Variants in PSME3IP1 observed in about 807,000 individuals in gnomAD.
The protein encoded by PSME3IP1 is proteasome activator subunit 3 interacting protein 1.
PSME3IP1 carries 13 observed loss-of-function variants against 34.1 expected under a neutral mutation model. The ratio of observed to expected loss-of-function variants is 0.38; its 90% CI spans 0.25 to 0.61. PSME3IP1 has a LOEUF of 0.61. Among genes scored for constraint, PSME3IP1 ranks in the 20% least tolerant of loss-of-function variants. The probability of loss-of-function intolerance (pLI) is 0.60; values close to 1 mark genes in which losing one functional copy is unlikely to be tolerated. For synonymous variants in PSME3IP1, 93 were observed against 114.3 expected, an observed-to-expected ratio of 0.81 and a Z score of 1.19; for missense variants, 237 against 301.4, an observed-to-expected ratio of 0.79 and a Z score of 1.58.
chr16:57,171,888 T>C (rs1287382683), intron 4 of PSME3IP1, among the ~76,000 whole-genome samples: 1 of 152,182 alleles, frequency 6.6e-6, no homozygotes, highest in Non-Finnish European at 1.5e-5. Flanking sequence ...CTAGAGAACA[T>C]CTTACTAAGA....
chr16:57,153,017 C>A lies in PSME3IP1; in HGVS notation c.*1273G>T, dbSNP rs2145315863. 6.5e-6 allele frequency: 1 copy of A among 152,754 alleles called. No individual in the cohort carries two copies. The highest frequency in any genetic ancestry group is 3.4e-3 in the Middle Eastern group (1 of 294). The allele number at this position is 152,754 out of a possible 1,614,324, so 9.5% of individuals were successfully genotyped here. On this transcript the variant is annotated 3_prime_UTR_variant, in exon 7 of 7. Transcript: ENST00000309137. ...TGTGTGTCTCACTCAGTCTCACACC[C>A]AAGAAAGTAAAAACAATTGATGTAG...
At chr16:57,172,751 G>C in intron 3 of PSME3IP1, 25 bp downstream of exon 3, 2 of 1,535,346 alleles carry the variant, frequency 1.3e-6, no homozygotes, top group East Asian at 4.5e-5. Context: ...AGAGCCCCTT[G>C]AACTCTCTGT....
chr16:57,174,563 T>C, intron 1 of PSME3IP1: 1 of 985,480 alleles, frequency 1.0e-6, no homozygotes, highest in Non-Finnish European at 1.2e-6. Flanking sequence ...CTGTAACATC[T>C]GACATTGTTT....
chr16:57,164,990 A>C (rs1399788458), intron 5 of PSME3IP1, among the ~76,000 whole-genome samples: 1 of 150,896 alleles, frequency 6.6e-6, no homozygotes, highest in Non-Finnish European at 1.5e-5. Flanking sequence ...GCGCCATTGC[A>C]CTCCAGCCTG....
intron 1 of PSME3IP1, 163 bp downstream of exon 1, chr16:57,185,658 C>T (rs990804495): frequency 2.2e-4 from 217 of 985,460 alleles, no homozygotes; most frequent in East Asian, 1.2e-3. Flanking sequence ...TCCCCTCAGG[C>T]TGGGCCCGCA....
chr16:57,158,044 G>T (rs1460059346), intron 6 of PSME3IP1, among the ~76,000 whole-genome samples: 4 of 152,148 alleles, frequency 2.6e-5, no homozygotes, highest in African/African-American at 9.7e-5. Flanking sequence ...ATAGCACAGG[G>T]CCTGGCTCAG....
chr16:57,181,653 T>C (rs766871613), intron 1 of PSME3IP1: 1 of 152,240 alleles, frequency 6.6e-6, no homozygotes, highest in Non-Finnish European at 1.5e-5. Context: ...TTGTTTTACC[T>C]GTAGTTCTAA....
intron 1 of PSME3IP1, among the ~76,000 whole-genome samples, chr16:57,185,038 T>A (rs1597811571): frequency 6.6e-6 from 1 of 152,268 alleles, no homozygotes; most frequent in Non-Finnish European, 1.5e-5. Context: ...AATCGACAAA[T>A]CTTATGTCAC....
chr16:57,157,328 A>AG lies in PSME3IP1; in HGVS notation c.548-2822_548-2821insC, dbSNP rs2070665968. Among the ~76,000 whole-genome samples, 7 of 151,322 alleles carry AG rather than the reference A, an allele frequency of 4.6e-5. No homozygotes were observed. In the South Asian group the frequency reaches 1.1e-3, roughly 23 times the overall value. On this transcript the variant is annotated intron_variant, in intron 6 of 6. Transcript: ENST00000309137. ...AACCTATCTCCAAAAAAAAAAAAAA[A>AG]AAAAGAAGAAGAAGAAGAAGAAGAA...
At chr16:57,177,074 C>T (rs563019200) in intron 1 of PSME3IP1, among the ~76,000 whole-genome samples, 218 of 152,166 alleles carry the variant, frequency 1.4e-3, no homozygotes, top group Non-Finnish European at 2.4e-3. Context: ...AGGCTGGTCT[C>T]GAACTCCTGA....
At chr16:57,168,770 T>C (rs1597672010) in intron 4 of PSME3IP1, among the ~76,000 whole-genome samples, 1 of 117,376 alleles carries the variant, frequency 8.5e-6, no homozygotes, top group South Asian at 2.9e-4. Flanking sequence ...GCCACCGCAC[T>C]CCAGCCTGGG....
At chr16:57,183,880 A>G (rs1284341014) in intron 1 of PSME3IP1, among the ~76,000 whole-genome samples, 1 of 152,210 alleles carries the variant, frequency 6.6e-6, no homozygotes, top group Admixed American at 6.5e-5. Context: ...GCCCAAAAGA[A>G]CTACAGCTTC....
chr16:57,156,334 G>A (rs1333731797), intron 6 of PSME3IP1, among the ~76,000 whole-genome samples: 2 of 152,156 alleles, frequency 1.3e-5, no homozygotes, highest in Non-Finnish European at 2.9e-5. Flanking sequence ...ACCTTCTAGG[G>A]TTTTGCCTTA....
chr16:57,168,131 C>G (rs1448833220), intron 4 of PSME3IP1, among the ~76,000 whole-genome samples: 1 of 152,188 alleles, frequency 6.6e-6, no homozygotes, highest in African/African-American at 2.4e-5. Context: ...GATAAGTATT[C>G]TGACACAGTG....
chr16:57,168,013 AT>A (rs2072102452), intron 4 of PSME3IP1, among the ~76,000 whole-genome samples: 1 of 151,958 alleles, frequency 6.6e-6, no homozygotes, highest in African/African-American at 2.4e-5. Flanking sequence ...AAGGCCCCAT[AT>A]TTTTGTCGGG....
At chr16:57,163,287 T>C (rs2071492567) in intron 6 of PSME3IP1, among the ~76,000 whole-genome samples, 1 of 152,206 alleles carries the variant, frequency 6.6e-6, no homozygotes, top group Non-Finnish European at 1.5e-5. Flanking sequence ...AAGTAGGTTC[T>C]AGACCAAAAG....
chr16:57,183,147 G>A (rs2073883992), intron 1 of PSME3IP1, among the ~76,000 whole-genome samples: 1 of 152,174 alleles, frequency 6.6e-6, no homozygotes, highest in Non-Finnish European at 1.5e-5. Flanking sequence ...TAATGGCTGT[G>A]ACGATGCACA....
intron 6 of PSME3IP1, among the ~76,000 whole-genome samples, chr16:57,160,270 C>A (rs1567366778): frequency 6.7e-6 from 1 of 150,098 alleles, no homozygotes; most frequent in African/African-American, 2.5e-5. Flanking sequence ...GCAGTCCGGC[C>A]TGGGCGACAG....
chr16:57,182,418 T>G (rs1273822499), intron 1 of PSME3IP1, among the ~76,000 whole-genome samples: 4 of 63,594 alleles, frequency 6.3e-5, no homozygotes, highest in Non-Finnish European at 1.2e-4. Context: ...TAACTCCACT[T>G]CAAGACCAAA....
Sources: allele counts gnomAD v4.1 joint callset (sites outside exome capture counted in the v4.1 genomes callset), GRCh38; gene constraint gnomAD v4.1.1; transcripts MANE v1.5; gene names NCBI Gene and HGNC (gene_info 2026-07-23, HGNC 2026-07-21).